Variants in APBB2 observed in about 807,000 individuals in gnomAD.
APBB2 encodes amyloid beta precursor protein binding family B member 2, also known as Fe65-like 1.
In APBB2, 38 loss-of-function variants were observed where a neutral mutation model predicts 82.5. That is an observed-to-expected ratio of 0.46 (90% CI 0.36 to 0.60). The LOEUF is 0.60. Ranked by LOEUF, APBB2 falls within the 20% of genes least tolerant of loss-of-function variation. APBB2 has a pLI of 0.00. For synonymous variants in APBB2, 341 were observed against 368.2 expected, an observed-to-expected ratio of 0.93 and a Z score of 0.85; for missense variants, 772 against 972.3, an observed-to-expected ratio of 0.79 and a Z score of 2.74.
chr4:40,954,936 C>T (rs752165525), intron 6 of APBB2, among the ~76,000 whole-genome samples: 31 of 152,176 alleles, frequency 2.0e-4, no homozygotes, highest in Admixed American at 4.6e-4. Context: ...CAGGCATGCA[C>T]CACTGTACGG....
chr4:41,076,211 G>A (rs906742895), intron 3 of APBB2, among the ~76,000 whole-genome samples: 6 of 152,170 alleles, frequency 3.9e-5, no homozygotes, highest in Admixed American at 6.5e-5. Flanking sequence ...ACCAGTATGC[G>A]GCAAAGAACT....
At chr4:40,929,532 C>G (rs1783547625) in intron 10 of APBB2, among the ~76,000 whole-genome samples, 1 of 152,164 alleles carries the variant, frequency 6.6e-6, no homozygotes, top group South Asian at 2.1e-4. Context: ...ATCTCCTGAC[C>G]TCGTGATCCA....
chr4:40,847,507 C>T (rs1165983812), intron 12 of APBB2, among the ~76,000 whole-genome samples: 1 of 152,138 alleles, frequency 6.6e-6, no homozygotes, highest in Non-Finnish European at 1.5e-5. Flanking sequence ...AGGCTCCTAT[C>T]TGACAAAGCA....
At chr4:40,882,544 G>C (rs1768933699) in intron 12 of APBB2, among the ~76,000 whole-genome samples, 1 of 152,224 alleles carries the variant, frequency 6.6e-6, no homozygotes, top group South Asian at 2.1e-4. Flanking sequence ...ATAAAGCTGT[G>C]TTTCTAGGAT....
intron 4 of APBB2, among the ~76,000 whole-genome samples, chr4:41,059,877 T>C (rs1314402990): frequency 6.6e-6 from 1 of 151,320 alleles, no homozygotes; most frequent in East Asian, 1.9e-4. Context: ...TGGGTTAGAG[T>C]CTCCCCGACC....
intron 6 of APBB2, among the ~76,000 whole-genome samples, chr4:40,987,785 T>C (rs977632926): frequency 6.6e-6 from 1 of 152,192 alleles, no homozygotes; most frequent in Non-Finnish European, 1.5e-5. Flanking sequence ...TGTGAGCTAT[T>C]AAGCCTCTCT....
At chr4:40,908,379 A>G (rs1777638186) in intron 10 of APBB2, among the ~76,000 whole-genome samples, 1 of 152,138 alleles carries the variant, frequency 6.6e-6, no homozygotes, top group South Asian at 2.1e-4. Flanking sequence ...CCATGAGCAT[A>G]TGGCAGAGCT....
At chr4:40,829,512 G>A (rs541725297) in intron 13 of APBB2, among the ~76,000 whole-genome samples, 10 of 152,268 alleles carry the variant, frequency 6.6e-5, no homozygotes, top group African/African-American at 2.2e-4. Flanking sequence ...AAGAGAATTG[G>A]GGGACCTTTC....
intron 6 of APBB2, among the ~76,000 whole-genome samples, chr4:41,002,942 G>T (rs1805637531): frequency 6.6e-6 from 1 of 151,862 alleles, no homozygotes; most frequent in African/African-American, 2.4e-5. Context: ...AATGTCTCTT[G>T]AACTAACATA....
intron 12 of APBB2, among the ~76,000 whole-genome samples, chr4:40,887,614 G>A (rs1770695753): frequency 6.6e-6 from 1 of 152,186 alleles, no homozygotes; most frequent in South Asian, 2.1e-4. Context: ...TTCTTCTGGG[G>A]AATGGAAACT....
chr4:40,843,176 G>T (rs1354524374), intron 12 of APBB2, among the ~76,000 whole-genome samples: 1 of 152,182 alleles, frequency 6.6e-6, no homozygotes. Context: ...CTAGACCGAA[G>T]AGCATGGAGC....
Position 40,853,482 on chromosome 4 carries a change from G to A in APBB2, c.1530-22905C>T, listed in dbSNP as rs149338223. Among the ~76,000 whole-genome samples the A allele has an allele frequency of 4.1e-3, 610 of 150,492 alleles. 2 individuals are homozygous for A. The highest frequency in any genetic ancestry group is 0.013 in the African/African-American group (548 of 40,958). Reference sequence around the variant, plus strand: ...CTTTTTTTTTTTGCGATGGAGTTTCGCTCGTTGTCCAGGCTGGAGTGCAAT... The same window carrying A: ...CTTTTTTTTTTTGCGATGGAGTTTCACTCGTTGTCCAGGCTGGAGTGCAAT... On this transcript the variant is annotated intron_variant, in intron 12 of 17. Transcript: ENST00000508593.
At chr4:40,981,724 C>T (rs557548823) in intron 6 of APBB2, among the ~76,000 whole-genome samples, 38 of 152,310 alleles carry the variant, frequency 2.5e-4, no homozygotes, top group Middle Eastern at 3.4e-3. Context: ...CCCTGTAATT[C>T]TTCCACTGCA....
intron 9 of APBB2, 32 bp downstream of exon 9, chr4:40,934,582 T>G (rs747626547): frequency 6.2e-7 from 1 of 1,611,352 alleles, no homozygotes; most frequent in Non-Finnish European, 8.5e-7. Flanking sequence ...AAGCCATACA[T>G]TGACAGCAGG....
At chr4:40,907,669 C>A (rs1243858017) in intron 10 of APBB2, among the ~76,000 whole-genome samples, 1 of 115,496 alleles carries the variant, frequency 8.7e-6, no homozygotes, top group East Asian at 2.8e-4. Flanking sequence ...CTGTGCCTGA[C>A]CCTTTTTTTT....
intron 2 of APBB2, among the ~76,000 whole-genome samples, chr4:41,142,664 T>C (rs1759587725): frequency 6.6e-6 from 1 of 152,214 alleles, no homozygotes; most frequent in South Asian, 2.1e-4. Context: ...GCCAAGACCA[T>C]TGAAGTTGGC....
chr4:41,010,050 T>C (rs1287137703), intron 6 of APBB2, among the ~76,000 whole-genome samples: 1 of 152,232 alleles, frequency 6.6e-6, no homozygotes, highest in Non-Finnish European at 1.5e-5. Flanking sequence ...TGAAGTGTGA[T>C]TAAAGCAAAG....
chr4:40,927,029 G>A (rs1782786792), intron 10 of APBB2, among the ~76,000 whole-genome samples: 1 of 152,186 alleles, frequency 6.6e-6, no homozygotes, highest in South Asian at 2.1e-4. Flanking sequence ...ATACAGATCA[G>A]ACTATTTCAT....
intron 1 of APBB2, among the ~76,000 whole-genome samples, chr4:41,162,198 CTTT>C (rs563526597): frequency 1.1e-4 from 15 of 135,778 alleles, no homozygotes; most frequent in Admixed American, 2.2e-4. Context: ...ATTTCCCCGT[CTTT>C]TTTTTTTTTT....
Sources: allele counts gnomAD v4.1 joint callset (sites outside exome capture counted in the v4.1 genomes callset), GRCh38; gene constraint gnomAD v4.1.1; transcripts MANE v1.5; gene names NCBI Gene and HGNC (gene_info 2026-07-23, HGNC 2026-07-21).